Variants in FGF13 observed in about 807,000 individuals in gnomAD.
FGF13 encodes fibroblast growth factor homologous factor 2.
In FGF13, 2 loss-of-function variants were observed where a neutral mutation model predicts 19.5. The observed-to-expected ratio is 0.10, with a 90% CI of 0.04 to 0.32. The LOEUF is 0.32. Ranked by LOEUF, FGF13 falls within the 10% of genes least tolerant of loss-of-function variation. The pLI is 1.00. For missense variants in FGF13, 113 were observed against 192.7 expected (o/e 0.59, Z 2.45); for synonymous variants, 72 against 76.9 (o/e 0.94, Z 0.33).
intron 1 of FGF13, among the ~76,000 whole-genome samples, 178 bp downstream of exon 1, chrX:138,710,639 C>A (rs748612576): frequency 8.9e-6 from 1 of 112,669 alleles, no homozygotes; most frequent in Admixed American, 9.3e-5. Context: ...ATGCAGCAAG[C>A]GTGTTACTGT....
chrX:138,912,507 A>C (rs1410914690), intron 1 of FGF13, among the ~76,000 whole-genome samples: 1 of 111,734 alleles, frequency 8.9e-6, no homozygotes, highest in African/African-American at 3.3e-5. Flanking sequence ...ACTGAATTAG[A>C]GTTAGAAACT....
chrX:138,736,247 T>C (rs41299084), intron 1 of FGF13, among the ~76,000 whole-genome samples: 104 of 112,030 alleles, frequency 9.3e-4, no homozygotes, highest in Non-Finnish European at 1.8e-3. Context: ...GTAATAGTTT[T>C]CTCAGTTCAA....
At chrX:138,755,986 T>C (rs2090429120) in intron 3 of FGF13, among the ~76,000 whole-genome samples, 1 of 111,592 alleles carries the variant, frequency 9.0e-6, no homozygotes, top group Non-Finnish European at 1.9e-5. Flanking sequence ...GAAGAAGATA[T>C]TAGGACATAC....
rs765744273 is a variant in FGF13, at chrX:138,652,647, A to C, written c.403-16992T>G. 3.6e-5 allele frequency among the ~76,000 whole-genome samples: 4 copies of C among 112,335 alleles called. No homozygotes were observed. In the South Asian group the frequency reaches 1.5e-3, roughly 41 times the overall value. On this transcript the variant is annotated intron_variant, in intron 3 of 4. Coordinates refer to ENST00000315930, the MANE Select transcript of FGF13 (RefSeq NM_004114.5). ...ACTGAGGTACAGTTCTCAGGACTTTAATTTTCACTGCTGTTACGAACTGCA... is the reference window on the plus strand; with the variant it reads ...ACTGAGGTACAGTTCTCAGGACTTTCATTTTCACTGCTGTTACGAACTGCA...
intron 3 of FGF13, among the ~76,000 whole-genome samples, chrX:138,695,024 CACACACACAA>C (rs763716971): frequency 4.7e-5 from 5 of 107,274 alleles, no homozygotes; most frequent in Non-Finnish European, 7.7e-5. Flanking sequence ...CACACACACA[CACACACACAA>C]ACCCAGAAAA....
chrX:138,823,324 A>C (rs937365962), intron 3 of FGF13, among the ~76,000 whole-genome samples: 7 of 111,494 alleles, frequency 6.3e-5, no homozygotes, highest in Non-Finnish European at 9.4e-5. Context: ...GTGGGGCCAC[A>C]GAAGTTCACA....
intron 1 of FGF13, among the ~76,000 whole-genome samples, chrX:139,200,847 T>C (rs756152568): frequency 2.0e-4 from 22 of 112,166 alleles, no homozygotes; most frequent in Middle Eastern, 4.6e-3. Flanking sequence ...CTTAACTGAG[T>C]GCTTTTCCAA....
intron 3 of FGF13, among the ~76,000 whole-genome samples, chrX:138,809,894 A>G (rs2090906391): frequency 9.0e-6 from 1 of 111,631 alleles, no homozygotes; most frequent in Non-Finnish European, 1.9e-5. Context: ...AAGGGATGTG[A>G]AGGACCTCTT....
At chrX:138,983,246 T>A (rs1363122914) in intron 1 of FGF13, among the ~76,000 whole-genome samples, 1 of 109,602 alleles carries the variant, frequency 9.1e-6, no homozygotes, top group Non-Finnish European at 1.9e-5. Flanking sequence ...CAGTTTCATA[T>A]TTTACATTTA....
At chrX:139,033,027 CAAAAAAAAAAAAA>C (rs758766077) in intron 1 of FGF13, among the ~76,000 whole-genome samples, 5 of 27,271 alleles carry the variant, frequency 1.8e-4, no homozygotes, top group Admixed American at 5.4e-4. Flanking sequence ...TCTGATTATC[CAAAAAAAAAAAAA>C]AAAAAAAAAA....
rs57235872 is a variant in FGF13 at position 139,114,140 on chromosome X, A to G, written c.-113+89276T>C. ...AAAGGGAATGGGAAAATTCAAGCTC[A>G]TGAAAAAATGCCCTTTGTTTAGAAT... On this transcript the variant is annotated intron_variant, in intron 1 of 2. Coordinates refer to the FGF13 transcript ENST00000421460. Among the ~76,000 whole-genome samples, 776 of 112,062 alleles carry G rather than the reference A, an allele frequency of 6.9e-3. 10 individuals are homozygous for G. Among genetic ancestry groups the G allele is most frequent in the African/African-American group, 0.024 (734 of 30,853 alleles).
chrX:138,768,726 T>TATATATATATATATATATATATA (rs1226957604), intron 3 of FGF13, among the ~76,000 whole-genome samples: 2 of 97,890 alleles, frequency 2.0e-5, no homozygotes, highest in African/African-American at 8.3e-5. Context: ...TAAGTATATA[T>TATATATATATATATATATATATA]TATATATATA....
intron 1 of FGF13, among the ~76,000 whole-genome samples, chrX:138,997,199 G>A (rs755142005): frequency 1.8e-5 from 2 of 112,207 alleles, no homozygotes; most frequent in African/African-American, 6.5e-5. Flanking sequence ...AAACACCAAA[G>A]GTAGATGAAA....
At chrX:139,046,740 G>A (rs1179606079) in intron 1 of FGF13, among the ~76,000 whole-genome samples, 1 of 111,634 alleles carries the variant, frequency 9.0e-6, no homozygotes, top group East Asian at 2.8e-4. Flanking sequence ...GGAAAGGAAT[G>A]AATGGAATAA....
intron 1 of FGF13, among the ~76,000 whole-genome samples, chrX:139,111,648 T>G (rs2083602328): frequency 9.0e-6 from 1 of 111,684 alleles, no homozygotes; most frequent in Admixed American, 9.5e-5. Flanking sequence ...TGAAACTGTT[T>G]CAGTTTATGA....
chrX:139,167,484 T>A (rs1451295441), intron 1 of FGF13, among the ~76,000 whole-genome samples: 1 of 111,997 alleles, frequency 8.9e-6, no homozygotes, highest in Non-Finnish European at 1.9e-5. Context: ...GATATTAATG[T>A]TGGCAACATC....
At chrX:139,084,612 C>T (rs1248080641) in intron 1 of FGF13, among the ~76,000 whole-genome samples, 1 of 109,964 alleles carries the variant, frequency 9.1e-6, no homozygotes, top group East Asian at 2.9e-4. Context: ...GCAAAGATTC[C>T]CAGTGCCAAA....
intron 1 of FGF13, among the ~76,000 whole-genome samples, chrX:138,936,773 T>C (rs1397214670): frequency 1.8e-5 from 2 of 112,139 alleles, no homozygotes; most frequent in Admixed American, 1.9e-4. Context: ...AACTTACATA[T>C]TGTGGTCTCC....
intron 1 of FGF13, among the ~76,000 whole-genome samples, chrX:139,041,019 C>T (rs1226168230): frequency 1.1e-5 from 1 of 93,430 alleles, no homozygotes; most frequent in Non-Finnish European, 2.0e-5. Flanking sequence ...AACACATGGA[C>T]ACATCGGGGG....
Sources: gnomAD v4.1 joint callset for allele counts (sites outside exome capture counted in the v4.1 genomes callset) on GRCh38, gnomAD v4.1.1 for gene constraint, MANE v1.5 for transcripts, NCBI Gene and HGNC (gene_info 2026-07-23, HGNC 2026-07-21) for gene names.